The following NDST4 variants were observed in gnomAD, a reference collection of about 807,000 sequenced individuals.
NDST4 encodes N-heparan sulfate sulfotransferase 4.
A neutral mutation model predicts 100.8 loss-of-function variants in NDST4; 63 were observed. The ratio of observed to expected loss-of-function variants is 0.62; its 90% CI spans 0.51 to 0.77. The LOEUF (loss-of-function observed/expected upper bound fraction) is 0.77. Ranked by LOEUF, NDST4 falls within the 30% of genes least tolerant of loss-of-function variation. The probability of loss-of-function intolerance (pLI) is 0.00; values close to 1 mark genes in which losing one functional copy is unlikely to be tolerated. For synonymous variants in NDST4, 377 were observed against 361.8 expected (o/e 1.04, Z -0.48); for missense variants, 943 against 1,018.4 (o/e 0.93, Z 1.01).
chr4:114,949,189 T>C (rs1578408123), intron 4 of NDST4, among the ~76,000 whole-genome samples: 2 of 151,534 alleles, frequency 1.3e-5, no homozygotes, highest in East Asian at 3.8e-4. Context: ...AATAATTGAT[T>C]AATAACTCTA....
rs1727457720 is a variant in NDST4, at chr4:115,007,927, G to A, written c.979-30653C>T. Among the ~76,000 whole-genome samples, 2 of 129,266 alleles carry A rather than the reference G, an allele frequency of 1.5e-5. 1 individual carries two copies. Among genetic ancestry groups the A allele is most frequent in the South Asian group, 5.9e-4 (2 of 3,400 alleles). The allele number at this position is 129,266 out of a possible 152,430, so 84.8% of individuals were successfully genotyped here. A position where few individuals can be genotyped will look rare whatever the true frequency, so the allele number is the denominator to read the frequency against. On this transcript the variant is annotated intron_variant, in intron 2 of 13. Transcript: ENST00000264363. Reference sequence around the variant, plus strand: ...CTGGCTCTGTTCCTGAGTTGTCCTTGGAATTCAAGTGGTTCCAAAGATGCT... The same window carrying A: ...CTGGCTCTGTTCCTGAGTTGTCCTTAGAATTCAAGTGGTTCCAAAGATGCT...
chr4:115,022,357 C>T (rs62315298), intron 2 of NDST4, among the ~76,000 whole-genome samples: 55,249 of 92,628 alleles, frequency 0.6, 15,609 homozygotes, highest in Non-Finnish European at 0.68. Flanking sequence ...ATGTGTTCCA[C>T]GTACATATGT....
intron 6 of NDST4, among the ~76,000 whole-genome samples, chr4:114,888,530 C>A (rs143497994): frequency 6.6e-6 from 1 of 152,118 alleles, no homozygotes; most frequent in Non-Finnish European, 1.5e-5. Flanking sequence ...GCTCATTTAA[C>A]GAATGAACTG....
chr4:114,968,192 C>T (rs1726427291), intron 4 of NDST4, among the ~76,000 whole-genome samples: 1 of 152,172 alleles, frequency 6.6e-6, no homozygotes, highest in African/African-American at 2.4e-5. Context: ...AACAACTGGG[C>T]ATAACTTTGT....
intron 2 of NDST4, among the ~76,000 whole-genome samples, chr4:114,990,414 G>C (rs1727012017): frequency 6.6e-6 from 1 of 151,982 alleles, no homozygotes; most frequent in African/African-American, 2.4e-5. Context: ...TATAAATGAA[G>C]TATAGTAGCT....
At chr4:114,837,623 T>C (rs1723331946) in intron 11 of NDST4, among the ~76,000 whole-genome samples, 1 of 152,162 alleles carries the variant, frequency 6.6e-6, no homozygotes, top group Admixed American at 6.5e-5. Context: ...TGGCTAGCCA[T>C]ATCCAGAAAG....
chr4:115,037,334 T>G (rs1217433733), intron 2 of NDST4, among the ~76,000 whole-genome samples: 1 of 152,120 alleles, frequency 6.6e-6, no homozygotes, highest in Admixed American at 6.6e-5. Context: ...GGTATTTTAG[T>G]TGGACAGAAG....
At chr4:115,107,986 C>T (rs956105822) in intron 1 of NDST4, among the ~76,000 whole-genome samples, 1 of 151,866 alleles carries the variant, frequency 6.6e-6, no homozygotes, top group Non-Finnish European at 1.5e-5. Context: ...TTATCAGGAA[C>T]CATAATACTT....
chr4:114,878,455 G>T (rs1228228686), intron 6 of NDST4, among the ~76,000 whole-genome samples: 2 of 152,098 alleles, frequency 1.3e-5, no homozygotes, highest in Admixed American at 1.3e-4. Context: ...TAAAAAAAGG[G>T]TATCGATTAA....
At chr4:114,984,610 A>G (rs1726858374) in intron 2 of NDST4, among the ~76,000 whole-genome samples, 1 of 152,206 alleles carries the variant, frequency 6.6e-6, no homozygotes, top group Non-Finnish European at 1.5e-5. Context: ...TGGGAATCAG[A>G]AGAGATAACT....
At chr4:115,022,092 ATACACGTTCCACGTC>A (rs1727844888) in intron 2 of NDST4, among the ~76,000 whole-genome samples, 2 of 145,460 alleles carry the variant, frequency 1.4e-5, no homozygotes, top group Non-Finnish European at 2.9e-5. Flanking sequence ...CGTTCCATAT[ATACACGTTCCACGTC>A]TATACACGTT....
At chr4:115,027,980 C>A (rs567503233) in intron 2 of NDST4, among the ~76,000 whole-genome samples, 4 of 151,622 alleles carry the variant, frequency 2.6e-5, no homozygotes, top group Admixed American at 6.6e-5. Context: ...TTGAACCCAG[C>A]AGGTGGAGTT....
At chr4:115,080,001 T>A (rs766039632) in intron 1 of NDST4, among the ~76,000 whole-genome samples, 1 of 152,214 alleles carries the variant, frequency 6.6e-6, no homozygotes, top group Non-Finnish European at 1.5e-5. Context: ...AATATATAAG[T>A]GGACCTTAGC....
intron 2 of NDST4, among the ~76,000 whole-genome samples, chr4:115,064,171 A>G (rs1179512661): frequency 6.6e-6 from 1 of 152,040 alleles, no homozygotes; most frequent in Non-Finnish European, 1.5e-5. Context: ...TTGTTTTGAA[A>G]AGTATATTTT....
intron 2 of NDST4, among the ~76,000 whole-genome samples, chr4:115,073,975 TAAC>T (rs1729130219): frequency 1.3e-5 from 2 of 151,830 alleles, no homozygotes; most frequent in South Asian, 4.1e-4. Context: ...GAACCAGAAA[TAAC>T]AACAAAAGAG....
intron 11 of NDST4, among the ~76,000 whole-genome samples, chr4:114,838,048 G>A (rs140179676): frequency 0.023 from 3,487 of 152,214 alleles, 122 homozygotes; most frequent in African/African-American, 0.079. Flanking sequence ...ACATTTATGT[G>A]ATCAACAAAC....
At chr4:114,859,685 GCC>G in intron 7 of NDST4, among the ~76,000 whole-genome samples, 1 of 152,178 alleles carries the variant, frequency 6.6e-6, no homozygotes, top group Non-Finnish European at 1.5e-5. Context: ...TCAGGGGATA[GCC>G]CACCTCCAGT....
intron 1 of NDST4, among the ~76,000 whole-genome samples, chr4:115,097,594 C>T (rs1373107025): frequency 1.3e-5 from 2 of 152,198 alleles, no homozygotes; most frequent in African/African-American, 4.8e-5. Flanking sequence ...ATTATTTCTC[C>T]ACTGGACTAT....
intron 6 of NDST4, among the ~76,000 whole-genome samples, chr4:114,899,847 T>C (rs533051337): frequency 6.6e-6 from 1 of 152,324 alleles, no homozygotes; most frequent in African/African-American, 2.4e-5. Flanking sequence ...ATGATGGCCT[T>C]ATTAAATGAA....
Sources: allele counts gnomAD v4.1 joint callset (sites outside exome capture counted in the v4.1 genomes callset), GRCh38; gene constraint gnomAD v4.1.1; transcripts MANE v1.5; gene names NCBI Gene and HGNC (gene_info 2026-07-23, HGNC 2026-07-21).